GPN1: variants seen among roughly 807,000 people sequenced by gnomAD.
The protein encoded by GPN1 is GPN-loop GTPase 1.
A neutral mutation model predicts 55.9 loss-of-function variants in GPN1; 44 were observed. The ratio of observed to expected loss-of-function variants is 0.79; its 90% CI spans 0.62 to 1.01. The LOEUF (loss-of-function observed/expected upper bound fraction) is 1.01. Ranked by LOEUF, GPN1 falls within the 50% of genes least tolerant of loss-of-function variation. GPN1 has a pLI of 0.00. For missense variants in GPN1, 466 were observed against 462.8 expected, an observed-to-expected ratio of 1.01 and a Z score of -0.06; for synonymous variants, 179 against 162.5, an observed-to-expected ratio of 1.10 and a Z score of -0.77.
In GPN1 at chr2:27,642,954, T is replaced by TACACACACAC. The variant is rs1270219794; in HGVS notation, c.931+436_931+437insCACACACACA. Among the ~76,000 whole-genome samples the TACACACACAC allele has an allele frequency of 9.3e-3, 436 of 46,790 alleles. 1 individual carries two copies. In the East Asian group the frequency reaches 0.12, roughly 13 times the overall value. The allele number at this position is 46,790 out of a possible 152,430, so 30.7% of individuals were successfully genotyped here. ...AAGGAAATGTGGTTTTATATATATATATATACACACACACACACACACACA... is the reference window on the plus strand; with the variant it reads ...AAGGAAATGTGGTTTTATATATATATACACACACACATATACACACACACACACACACACA... On this transcript the variant is annotated intron_variant, in intron 12 of 13. Transcript: ENST00000610189.
In GPN1 at chr2:27,629,085, G is replaced by C; in HGVS notation, c.27G>C (p.Glu9Asp). The C allele has an allele frequency of 6.2e-7, 1 of 1,614,248 alleles. No homozygotes were observed. Among genetic ancestry groups the C allele is most frequent in the Non-Finnish European group, 8.5e-7 (1 of 1,180,044 alleles). The change falls in exon 1 of 14, where the codon GAG becomes GAC. Residue 9 changes from glutamate (E) to aspartate (D), a missense_variant. Glu to Asp is a conservative substitution (Grantham distance 45). Transcript: ENST00000610189. MAASAAAAELQASGGPRHP... is the reference protein window; with the variant it reads MAASAAAADLQASGGPRHP... ...TGGCGGCGTCCGCAGCTGCCGCTGA[G>C]CTCCAGGCTTCTGGGGGTCCGCGGC... is the stretch of plus-strand genomic sequence containing the variant.
At chr2:27,628,324 A>T, upstream of GPN1, 2 of 1,400,642 alleles carry the variant, frequency 1.4e-6, no homozygotes, top group South Asian at 2.8e-5. Context: ...CTCTTTCATC[A>T]TCTTTCCTGA....
chr2:27,646,108 C>G (rs1433503835), intron 12 of GPN1, among the ~76,000 whole-genome samples: 4 of 152,176 alleles, frequency 2.6e-5, no homozygotes, highest in Non-Finnish European at 4.4e-5. Context: ...ATGGCGCGAT[C>G]TCGGCTCACT....
At chr2:27,640,912 G>GT (rs1673920850) in intron 10 of GPN1, among the ~76,000 whole-genome samples, 4 of 152,134 alleles carry the variant, frequency 2.6e-5, no homozygotes, top group Admixed American at 2.6e-4. Flanking sequence ...TATGTTGCAC[G>GT]TCCTGAGCTC....
chr2:27,641,301 ATATTTT>A, intron 11 of GPN1, 22 bp downstream of exon 11: 3 of 1,575,428 alleles, frequency 1.9e-6, no homozygotes, highest in Non-Finnish European at 2.6e-6. Context: ...GGCTGTTTGT[ATATTTT>A]AAAAGGGCCA....
At position 27,629,125 on chromosome 2, in the gene GPN1, T is replaced by C. The variant is rs955645494; in HGVS notation, c.67T>C (p.Leu23=). 1.7e-5 allele frequency: 27 copies of C among 1,614,018 alleles called. No homozygotes were observed. Among genetic ancestry groups the C allele is most frequent in the Admixed American group, 1.5e-4 (9 of 60,000 alleles). ...GGGTCCGCGGCACCCAGTGTGTCTG[T>C]TGGTGTTGGGAATGGCGGGATCCGG... ...SGGPRHPVCL[L]VLGMAGSGKT... Residue 23 remains leucine (L), a synonymous_variant, in exon 1 of 14, where the codon TTG becomes CTG. Transcript: ENST00000610189.
At chr2:27,639,124 AT>A in intron 9 of GPN1, 93 bp downstream of exon 9, 1 of 1,004,262 alleles carries the variant, frequency 1.0e-6, no homozygotes, top group South Asian at 1.7e-5. Context: ...AAGGAAGCTT[AT>A]TACCTACTGA....
At chr2:27,630,714 C>CAGT (rs1323674610) in intron 2 of GPN1, among the ~76,000 whole-genome samples, 2 of 152,152 alleles carry the variant, frequency 1.3e-5, no homozygotes, top group Non-Finnish European at 2.9e-5. Context: ...TTGCCTTTGT[C>CAGT]AGTAATAGGC....
intron 5 of GPN1, 71 bp from the exon 6 acceptor site, chr2:27,634,775 G>A: frequency 3.3e-6 from 3 of 897,106 alleles, no homozygotes; most frequent in Non-Finnish European, 5.7e-6. Context: ...GATGTTTATT[G>A]TCTTATATGA....
chr2:27,631,787 TTATAA>T (rs1157339831), intron 3 of GPN1, 42 bp from the exon 4 acceptor site: 2 of 1,106,136 alleles, frequency 1.8e-6, no homozygotes, highest in African/African-American at 1.5e-5. Flanking sequence ...GGTATGAACT[TTATAA>T]TCTAATCTAT....
chr2:27,644,751 A>T (rs1674139782), intron 12 of GPN1, among the ~76,000 whole-genome samples: 2 of 118,488 alleles, frequency 1.7e-5, no homozygotes, highest in Admixed American at 1.0e-4. Context: ...TTTACAGATG[A>T]GGTCTGAGGC....
Position 27,643,772 on chromosome 2 carries a change from G to GT in GPN1, c.931+1259dup, listed in dbSNP as rs528723005. ...TTCAGGTGACTAATTTTTGAATTGT[G>GT]TTTTTTCAAGGAATCACATTGGGAG... is the stretch of plus-strand genomic sequence containing the variant. On this transcript the variant is annotated intron_variant, in intron 12 of 13. Transcript: ENST00000610189. The surrounding 1 kb of genome is among the most constrained non-coding windows in gnomAD (Gnocchi z 4.0). Among the ~76,000 whole-genome samples, 33 of 152,244 alleles carry GT rather than the reference G, an allele frequency of 2.2e-4. No homozygotes were observed. The South Asian group carries it at 6.2e-3, about 29-fold the overall frequency.
chr2:27,632,049 T>A, intron 4 of GPN1, 149 bp downstream of exon 4: 1 of 640,768 alleles, frequency 1.6e-6, no homozygotes, highest in Non-Finnish European at 2.8e-6. Context: ...AGAAGTAGAC[T>A]ATGAGAAGGT....
chr2:27,631,982 G>A (rs1304640506), intron 4 of GPN1, 82 bp downstream of exon 4: 2 of 836,854 alleles, frequency 2.4e-6, no homozygotes, highest in Non-Finnish European at 4.2e-6. Flanking sequence ...CATTGGTAAA[G>A]AAGAGCAGCA....
intron 13 of GPN1, among the ~76,000 whole-genome samples, chr2:27,649,049 G>A (rs1055193122): frequency 6.6e-6 from 1 of 151,640 alleles, no homozygotes; most frequent in Non-Finnish European, 1.5e-5. Context: ...TTCAAGACCA[G>A]CCTGACCAAC....
At position 27,643,210 on chromosome 2, in the gene GPN1, T is replaced by TA. The variant is rs1674052595; in HGVS notation, c.931+692dup. Among the ~76,000 whole-genome samples, 1 of 150,960 alleles carries TA rather than the reference T, an allele frequency of 6.6e-6. No individual in the cohort carries two copies. The highest frequency in any genetic ancestry group is 6.6e-5 in the Admixed American group (1 of 15,186). On this transcript the variant is annotated intron_variant, in intron 12 of 13. Coordinates refer to ENST00000610189, the MANE Select transcript of GPN1 (RefSeq NM_007266.4). This position sits in a 1 kb window ranked among gnomAD's most constrained non-coding sequence, Gnocchi z 4.0. ...TAATTAAAAAAAATTTTTTTTTTTT[T>TA]ACAGTTTGACCTTAATTTCAGATTT...
intron 7 of GPN1, among the ~76,000 whole-genome samples, chr2:27,637,330 TAAG>T (rs1673769218): frequency 6.6e-6 from 1 of 151,220 alleles, no homozygotes; most frequent in African/African-American, 2.4e-5. Context: ...TTGAGTAGTC[TAAG>T]AGTAGGGGTT....
At chr2:27,647,728 A>G (rs993961564) in intron 12 of GPN1, 108 bp from the exon 13 acceptor site, 6 of 669,530 alleles carry the variant, frequency 9.0e-6, no homozygotes, top group Non-Finnish European at 1.6e-5. Flanking sequence ...TCCTGCGTTT[A>G]TATGTATCAT....
Position 27,634,866 on chromosome 2 carries a change from C to A in GPN1, c.371C>A (p.Pro124His). The change falls in exon 6 of 14, where the codon CCT becomes CAT. Residue 124 changes from proline to histidine, a missense_variant. Pro to His is a moderately conservative substitution (Grantham distance 77, BLOSUM62 -2). Coordinates refer to ENST00000610189, the MANE Select transcript of GPN1 (RefSeq NM_007266.4). ...NMSKYVLIDT[P>H]GQIEVFTWSA... ...CATAGATATGTGTTGATTGACACACCTGGACAGATTGAGGTATTCACCTGG... is the reference window on the plus strand; with the variant it reads ...CATAGATATGTGTTGATTGACACACATGGACAGATTGAGGTATTCACCTGG... The A allele has an allele frequency of 6.3e-7, 1 of 1,591,328 alleles. No homozygotes were observed. Among genetic ancestry groups the A allele is most frequent in the Non-Finnish European group, 8.6e-7 (1 of 1,159,256 alleles).
Sources: gnomAD v4.1 joint callset for allele counts (sites outside exome capture counted in the v4.1 genomes callset) on GRCh38, gnomAD v4.1.1 for gene constraint, Gnocchi (gnomAD v3.1) non-coding constraint, MANE v1.5 for transcripts, NCBI Gene and HGNC (gene_info 2026-07-23, HGNC 2026-07-21) for gene names.